PPM1H: variants seen among roughly 807,000 people sequenced by gnomAD.
PPM1H encodes the protein protein phosphatase, Mg2+/Mn2+ dependent 1H, also known as protein phosphatase 1H.
A neutral mutation model predicts 54.9 loss-of-function variants in PPM1H; 27 were observed. That is an observed-to-expected ratio of 0.49 (90% CI 0.36 to 0.68). PPM1H has a LOEUF of 0.68. PPM1H is among the 30% of genes least tolerant of loss of function. The pLI is 0.00. For synonymous variants in PPM1H, 305 were observed against 270.8 expected (o/e 1.13, Z -1.24); for missense variants, 596 against 667.8 (o/e 0.89, Z 1.19).
intron 1 of PPM1H, among the ~76,000 whole-genome samples, chr12:62,914,762 T>A (rs997803240): frequency 6.6e-6 from 1 of 152,204 alleles, no homozygotes; most frequent in Non-Finnish European, 1.5e-5. Context: ...ACGAGTCACA[T>A]GGACTCATCT....
intron 1 of PPM1H, among the ~76,000 whole-genome samples, chr12:62,931,634 G>A (rs935882617): frequency 6.6e-6 from 1 of 152,162 alleles, no homozygotes; most frequent in East Asian, 1.9e-4. Context: ...GAACGAGTTT[G>A]GTGTTGCGAG....
intron 8 of PPM1H, among the ~76,000 whole-genome samples, chr12:62,685,444 G>A (rs1592542296): frequency 6.6e-6 from 1 of 152,106 alleles, no homozygotes; most frequent in African/African-American, 2.4e-5. Flanking sequence ...TACAGAACCT[G>A]ATCTAATTAA....
At chr12:62,928,080 C>T (rs1261647045) in intron 1 of PPM1H, among the ~76,000 whole-genome samples, 1 of 152,208 alleles carries the variant, frequency 6.6e-6, no homozygotes, top group East Asian at 1.9e-4. Flanking sequence ...GCATTCATCT[C>T]ATTAAATCCT....
intron 4 of PPM1H, among the ~76,000 whole-genome samples, chr12:62,782,410 G>A (rs1361179696): frequency 6.6e-6 from 1 of 152,192 alleles, no homozygotes; most frequent in Non-Finnish European, 1.5e-5. Context: ...CTGTCCTCAG[G>A]AACAGTCAGA....
intron 1 of PPM1H, among the ~76,000 whole-genome samples, chr12:62,874,943 T>C (rs1233057637): frequency 6.6e-6 from 1 of 152,132 alleles, no homozygotes; most frequent in African/African-American, 2.4e-5. Context: ...AAGGGACACA[T>C]AGGAGAGAGT....
chr12:62,693,078 C>A lies in PPM1H; in HGVS notation c.1137+858G>T, dbSNP rs142399690. On this transcript the variant is annotated intron_variant, in intron 7 of 9. Coordinates refer to ENST00000228705, the MANE Select transcript of PPM1H (RefSeq NM_020700.2). ...TTGAAGACTCTTCTCAATGTGACCA[C>A]ATTTTTCACTTGGAATGCTTCACAC... Among the ~76,000 whole-genome samples, 198 of 152,286 alleles carry A rather than the reference C, an allele frequency of 1.3e-3. 1 individual carries two copies. The highest frequency in any genetic ancestry group is 2.8e-3 in the Admixed American group (43 of 15,302).
Position 62,806,610 on chromosome 12 carries a change from C to T in PPM1H, c.412-4450G>A, listed in dbSNP as rs776370359. On this transcript the variant is annotated intron_variant, in intron 2 of 9. Transcript: ENST00000228705. ...TCTTGTGACAGTGAGTGAGTTCTCA[C>T]GAGATCTGGTTGTTTAAAAGTGTGT... 2.2e-4 allele frequency among the ~76,000 whole-genome samples: 33 copies of T among 152,108 alleles called. 1 individual carries two copies. The highest frequency in any genetic ancestry group is 2.2e-4 in the Non-Finnish European group (15 of 68,036).
intron 1 of PPM1H, among the ~76,000 whole-genome samples, chr12:62,888,956 C>T (rs763817259): frequency 1.4e-4 from 21 of 152,088 alleles, no homozygotes; most frequent in Admixed American, 3.9e-4. Context: ...CAAAAAGTTG[C>T]GTATGACATA....
At chr12:62,813,765 G>A (rs1394312207) in intron 2 of PPM1H, among the ~76,000 whole-genome samples, 1 of 152,120 alleles carries the variant, frequency 6.6e-6, no homozygotes, top group Admixed American at 6.5e-5. Context: ...AATTATACTC[G>A]CTATTGTTAA....
At chr12:62,738,662 G>A (rs2076363837) in intron 4 of PPM1H, among the ~76,000 whole-genome samples, 1 of 152,072 alleles carries the variant, frequency 6.6e-6, no homozygotes, top group Non-Finnish European at 1.5e-5. Flanking sequence ...AAGTGGCTTG[G>A]GGAATTGCAT....
intron 1 of PPM1H, among the ~76,000 whole-genome samples, chr12:62,929,599 A>T (rs186291337): frequency 6.6e-6 from 1 of 152,268 alleles, no homozygotes; most frequent in East Asian, 1.9e-4. Context: ...CTGGGACTGA[A>T]ACATATAGTA....
Position 62,648,141 on chromosome 12 carries a change from G to A in PPM1H, c.*348C>T, listed in dbSNP as rs2075796541. On this transcript the variant is annotated 3_prime_UTR_variant, in exon 10 of 10. Transcript: ENST00000228705. ...AGCTTGACAGGCTGAAGAGTCCTCT[G>A]CCATTTACACCTGAAAATGGCTGCC... is the stretch of plus-strand genomic sequence containing the variant. The A allele has an allele frequency of 5.4e-6, 1 of 186,220 alleles. No individual in the cohort carries two copies. Among genetic ancestry groups the A allele is most frequent in the Non-Finnish European group, 1.1e-5 (1 of 87,704 alleles). The allele number at this position is 186,220 out of a possible 1,614,324, so 11.5% of individuals were successfully genotyped here.
chr12:62,759,881 G>A (rs970119852), intron 4 of PPM1H, among the ~76,000 whole-genome samples: 1 of 150,458 alleles, frequency 6.6e-6, no homozygotes, highest in Non-Finnish European at 1.5e-5. Flanking sequence ...CCACTTTCCT[G>A]GGGGGCAAGC....
intron 1 of PPM1H, among the ~76,000 whole-genome samples, chr12:62,872,852 G>T (rs557560567): frequency 1.3e-5 from 2 of 152,162 alleles, no homozygotes; most frequent in East Asian, 3.9e-4. Context: ...TGCAAAGAAG[G>T]CACATTAGAC....
intron 2 of PPM1H, among the ~76,000 whole-genome samples, chr12:62,829,347 G>A (rs1355981008): frequency 6.6e-6 from 1 of 152,170 alleles, no homozygotes; most frequent in African/African-American, 2.4e-5. Flanking sequence ...GGGCACCAAG[G>A]GAGGAAAGAA....
At chr12:62,877,440 C>T (rs1169368645) in intron 1 of PPM1H, among the ~76,000 whole-genome samples, 1 of 152,228 alleles carries the variant, frequency 6.6e-6, no homozygotes, top group Non-Finnish European at 1.5e-5. Context: ...TCTAGCATCA[C>T]TGCCCGAGCT....
intron 1 of PPM1H, among the ~76,000 whole-genome samples, chr12:62,863,643 T>A (rs557632170): frequency 2.6e-5 from 4 of 152,320 alleles, no homozygotes; most frequent in African/African-American, 9.6e-5. Flanking sequence ...TAAGAGTTAA[T>A]CTGACTCTTA....
intron 4 of PPM1H, among the ~76,000 whole-genome samples, chr12:62,786,912 C>T (rs1021351408): frequency 1.3e-5 from 2 of 152,184 alleles, no homozygotes; most frequent in Non-Finnish European, 1.5e-5. Flanking sequence ...ATGTAATACA[C>T]GTTAGAATAT....
chr12:62,803,657 T>C (rs1413199609), intron 2 of PPM1H, among the ~76,000 whole-genome samples: 2 of 152,142 alleles, frequency 1.3e-5, no homozygotes, highest in African/African-American at 2.4e-5. Flanking sequence ...TATTTAGATA[T>C]GATACCCAAA....
Sources: gnomAD v4.1 joint callset for allele counts (sites outside exome capture counted in the v4.1 genomes callset) on GRCh38, gnomAD v4.1.1 for gene constraint, MANE v1.5 for transcripts, NCBI Gene and HGNC (gene_info 2026-07-23, HGNC 2026-07-21) for gene names.